The following PRSS38 variants were observed in gnomAD, a reference collection of about 807,000 sequenced individuals.
The protein encoded by PRSS38 is marapsin 2.
PRSS38 carries 22 observed loss-of-function variants against 26.8 expected under a neutral mutation model. The observed-to-expected ratio is 0.82, with a 90% CI of 0.59 to 1.17. The LOEUF (loss-of-function observed/expected upper bound fraction) is 1.17. PRSS38 is among the 50% of genes most tolerant of loss of function. PRSS38 has a pLI of 0.00. For synonymous variants in PRSS38, 175 were observed against 172.1 expected, an observed-to-expected ratio of 1.02 and a Z score of -0.13; for missense variants, 427 against 422.7, an observed-to-expected ratio of 1.01 and a Z score of -0.09.
intron 3 of PRSS38, among the ~76,000 whole-genome samples, chr1:227,828,319 G>A (rs1665103979): frequency 6.6e-6 from 1 of 152,196 alleles, no homozygotes; most frequent in South Asian, 2.1e-4. Context: ...CTGTGTGGGA[G>A]TCTAAGTCTC....
At chr1:227,840,106 A>T (rs750100635) in intron 3 of PRSS38, among the ~76,000 whole-genome samples, 1 of 152,102 alleles carries the variant, frequency 6.6e-6, no homozygotes, top group Non-Finnish European at 1.5e-5. Context: ...CTGTGAGCTT[A>T]GGATGGTTTC....
intron 3 of PRSS38, among the ~76,000 whole-genome samples, chr1:227,826,041 T>C (rs1367744356): frequency 2.0e-5 from 3 of 152,196 alleles, no homozygotes; most frequent in Non-Finnish European, 4.4e-5. Flanking sequence ...TTTGTTTGTG[T>C]CCCCTCTGAT....
chr1:227,831,271 AT>A (rs1296097056), intron 3 of PRSS38, among the ~76,000 whole-genome samples: 6 of 152,044 alleles, frequency 3.9e-5, no homozygotes, highest in Non-Finnish European at 7.4e-5. Context: ...TTCCCTCATA[AT>A]TTTTTCTTCA....
chr1:227,828,986 A>G (rs544188774), intron 3 of PRSS38, among the ~76,000 whole-genome samples: 3 of 152,274 alleles, frequency 2.0e-5, no homozygotes, highest in Admixed American at 1.3e-4. Context: ...GGGTGGAATC[A>G]CACAATCACT....
At chr1:227,845,877 T>C in intron 4 of PRSS38, 77 bp from the exon 5 acceptor site, 1 of 1,569,408 alleles carries the variant, frequency 6.4e-7, no homozygotes, top group South Asian at 1.2e-5. Context: ...GCCACCCCCT[T>C]GCACCCTGGG....
At chr1:227,826,087 G>A (rs1665069855) in intron 3 of PRSS38, among the ~76,000 whole-genome samples, 1 of 152,050 alleles carries the variant, frequency 6.6e-6, no homozygotes, top group African/African-American at 2.4e-5. Flanking sequence ...TTTTTGAAGA[G>A]GTCCTTCACT....
intron 3 of PRSS38, among the ~76,000 whole-genome samples, chr1:227,821,199 C>A (rs562198387): frequency 6.6e-6 from 1 of 152,200 alleles, no homozygotes; most frequent in East Asian, 1.9e-4. Context: ...CCATCCATGT[C>A]CCTGCAAAGG....
exon 5 of PRSS38, chr1:227,846,322 C>G (rs1048122555): frequency 1.5e-6 from 2 of 1,352,554 alleles, no homozygotes; most frequent in Non-Finnish European, 2.0e-6. Flanking sequence ...CAAGGGCCAC[C>G]TATCCCGGGG....
chr1:227,846,140 C>G (rs770203700), exon 5 of PRSS38: 11 of 1,613,814 alleles, frequency 6.8e-6, no homozygotes, highest in Non-Finnish European at 8.5e-6. Context: ...AGCCCCTGCT[C>G]TCTCTCCAGC....
At chr1:227,842,328 A>T (rs1344228549) in intron 3 of PRSS38, among the ~76,000 whole-genome samples, 1 of 151,944 alleles carries the variant, frequency 6.6e-6, no homozygotes, top group Non-Finnish European at 1.5e-5. Context: ...CTTCTTAGAC[A>T]CTGAATGCCA....
chr1:227,845,835 G>C, intron 4 of PRSS38, 119 bp from the exon 5 acceptor site: 1 of 1,406,356 alleles, frequency 7.1e-7, no homozygotes, highest in Admixed American at 2.0e-5. Context: ...GGTGAGAGGG[G>C]GGCACTGGCC....
intron 3 of PRSS38, among the ~76,000 whole-genome samples, chr1:227,823,651 GTTTAA>G (rs1665032457): frequency 6.6e-6 from 1 of 152,138 alleles, no homozygotes; most frequent in Non-Finnish European, 1.5e-5. Context: ...CTGGACTAAT[GTTTAA>G]GAGCCTAACA....
intron 2 of PRSS38, 94 bp from the exon 3 acceptor site, chr1:227,817,115 G>A: frequency 7.6e-7 from 1 of 1,323,522 alleles, no homozygotes; most frequent in South Asian, 1.4e-5. Flanking sequence ...ATCCCACCGA[G>A]TGAGTGCCAG....
At chr1:227,842,583 C>CTT (rs545162850) in intron 3 of PRSS38, among the ~76,000 whole-genome samples, 1 of 144,812 alleles carries the variant, frequency 6.9e-6, no homozygotes, top group Non-Finnish European at 1.5e-5. Context: ...GAGGGAACTT[C>CTT]TTTTTTTTTT....
At chr1:227,824,026 C>G (rs1247445615) in intron 3 of PRSS38, among the ~76,000 whole-genome samples, 1 of 152,092 alleles carries the variant, frequency 6.6e-6, no homozygotes, top group Non-Finnish European at 1.5e-5. Flanking sequence ...TGAGAGATCT[C>G]TATATAGTTT....
At chr1:227,828,183 G>A (rs1665101975) in intron 3 of PRSS38, among the ~76,000 whole-genome samples, 1 of 152,162 alleles carries the variant, frequency 6.6e-6, no homozygotes, top group South Asian at 2.1e-4. Context: ...GGAGTGGAGA[G>A]TTCTGTAAGT....
intron 3 of PRSS38, among the ~76,000 whole-genome samples, chr1:227,839,524 AG>A (rs1420666286): frequency 6.6e-6 from 1 of 151,882 alleles, no homozygotes; most frequent in Non-Finnish European, 1.5e-5. Flanking sequence ...AAAAAAAAAA[AG>A]GTGTGTAACT....
intron 3 of PRSS38, among the ~76,000 whole-genome samples, chr1:227,820,207 G>C (rs977663000): frequency 1.3e-5 from 2 of 148,298 alleles, no homozygotes; most frequent in African/African-American, 5.0e-5. Flanking sequence ...TTTTTTTAAA[G>C]ATTAATTGGG....
intron 1 of PRSS38, 93 bp downstream of exon 1, chr1:227,815,957 ATCCCTTCCCCTCCCCCATGTCCCCTGCCT>A: frequency 6.7e-7 from 1 of 1,485,966 alleles, no homozygotes; most frequent in Non-Finnish European, 9.1e-7. Flanking sequence ...TCGCCTGCCC[ATCCCTTCCCCTCCCCCATGTCCCCTGCCT>A]TCCCTTCCTC....
Sources: allele counts gnomAD v4.1 joint callset (sites outside exome capture counted in the v4.1 genomes callset), GRCh38; gene constraint gnomAD v4.1.1; transcripts MANE v1.5; gene names NCBI Gene and HGNC (gene_info 2026-07-23, HGNC 2026-07-21).